The following RANBP2 variants were observed in gnomAD, a reference collection of about 807,000 sequenced individuals.
RANBP2 encodes E3 SUMO-protein ligase RanBP2.
In RANBP2, 57 loss-of-function variants were observed where a neutral mutation model predicts 303.6. The ratio of observed to expected loss-of-function variants is 0.19; its 90% CI spans 0.15 to 0.23. The LOEUF (loss-of-function observed/expected upper bound fraction) is 0.23, where lower values mean the gene tolerates loss of function less well. Among genes scored for constraint, RANBP2 ranks in the 10% least tolerant of loss-of-function variants. The probability of loss-of-function intolerance (pLI) is 1.00; values close to 1 mark genes in which losing one functional copy is unlikely to be tolerated. For missense variants in RANBP2, 3,138 were observed against 3,780.8 expected (o/e 0.83, Z 4.46); for synonymous variants, 1,167 against 1,301.5 (o/e 0.90, Z 2.23).
the RANBP2 span, chr2:109,585,351 T>A: frequency 6.6e-7 from 1 of 1,521,660 alleles, no homozygotes; most frequent in Non-Finnish European, 8.9e-7. Context: ...ATCTTTATGG[T>A]TGCATGAATG....
the RANBP2 span, among the ~76,000 whole-genome samples, chr2:109,266,398 G>A: frequency 6.6e-6 from 1 of 151,946 alleles, no homozygotes; most frequent in Non-Finnish European, 1.5e-5. Flanking sequence ...AAGCAGGAGT[G>A]TCCTCCGATA....
chr2:109,505,073 C>T, the RANBP2 span, among the ~76,000 whole-genome samples: 1 of 152,230 alleles, frequency 6.6e-6, no homozygotes, highest in African/African-American at 2.4e-5. Flanking sequence ...CTCTCCTGGT[C>T]TTACCCTTGT....
chr2:108,728,635 ATG>A, intron 1 of RANBP2, among the ~76,000 whole-genome samples: 1 of 147,116 alleles, frequency 6.8e-6, no homozygotes, highest in East Asian at 2.0e-4. Context: ...GATGATGATG[ATG>A]ATGTTTGGGA....
At chr2:109,388,675 G>A in the RANBP2 span, among the ~76,000 whole-genome samples, 1 of 152,204 alleles carries the variant, frequency 6.6e-6, no homozygotes, top group Admixed American at 6.5e-5. Flanking sequence ...CATGTACTTT[G>A]CCCCCAGCAC....
the RANBP2 span, among the ~76,000 whole-genome samples, chr2:109,372,791 C>G: frequency 6.6e-6 from 1 of 152,206 alleles, no homozygotes; most frequent in Non-Finnish European, 1.5e-5. Context: ...CATGTGTCCC[C>G]CCTGCCTGAC....
the RANBP2 span, among the ~76,000 whole-genome samples, chr2:109,513,232 C>T: frequency 1.3e-5 from 2 of 152,166 alleles, no homozygotes; most frequent in African/African-American, 4.8e-5. Flanking sequence ...CATGGATTCA[C>T]ACCTGACACA....
the RANBP2 span, among the ~76,000 whole-genome samples, chr2:109,207,636 T>C: frequency 6.6e-6 from 1 of 152,144 alleles, no homozygotes; most frequent in Admixed American, 6.5e-5. Flanking sequence ...TTTCCAGGGG[T>C]GCAGTTGCTG....
At chr2:109,733,289 A>G in the RANBP2 span, among the ~76,000 whole-genome samples, 1 of 152,216 alleles carries the variant, frequency 6.6e-6, no homozygotes, top group Non-Finnish European at 1.5e-5. Flanking sequence ...AAATCAATCA[A>G]TGTAGTACAT....
At chr2:109,176,558 C>T in the RANBP2 span, among the ~76,000 whole-genome samples, 9 of 152,062 alleles carry the variant, frequency 5.9e-5, 1 homozygote, top group South Asian at 1.9e-3. Flanking sequence ...ATAATGAGAC[C>T]CTATCCCTAC....
the RANBP2 span, among the ~76,000 whole-genome samples, chr2:109,088,874 G>C: frequency 2.6e-5 from 4 of 152,168 alleles, no homozygotes; most frequent in African/African-American, 7.2e-5. Context: ...GTAGAAAATG[G>C]TATATCTATG....
At chr2:109,501,793 G>T in the RANBP2 span, 2 of 620,402 alleles carry the variant, frequency 3.2e-6, no homozygotes, top group Admixed American at 2.6e-5. Context: ...ACCTGGCGGG[G>T]GATACCCTGG....
chr2:109,485,319 GTTTAC>G, the RANBP2 span, among the ~76,000 whole-genome samples: 4 of 152,208 alleles, frequency 2.6e-5, no homozygotes, highest in African/African-American at 9.7e-5. Context: ...ACATGTACAG[GTTTAC>G]TTCATTTTCA....
chr2:108,719,730 TCG>T (rs1192216247), intron 1 of RANBP2, 52 bp downstream of exon 1: 3 of 1,552,420 alleles, frequency 1.9e-6, no homozygotes, highest in Non-Finnish European at 2.6e-6. Flanking sequence ...GGCGGCGGCC[TCG>T]CGCTGCTCAG....
At chr2:109,625,087 C>CAAAAAAAAAAAAAAAAAAAAAAAAAA in the RANBP2 span, among the ~76,000 whole-genome samples, 3 of 60,116 alleles carry the variant, frequency 5.0e-5, no homozygotes, top group African/African-American at 1.5e-4. Flanking sequence ...ACAACAACAA[C>CAAAAAAAAAAAAAAAAAAAAAAAAAA]AAAAAAAAAA....
the RANBP2 span, among the ~76,000 whole-genome samples, chr2:109,012,348 C>T: frequency 1.3e-5 from 2 of 152,202 alleles, no homozygotes; most frequent in East Asian, 1.9e-4. Context: ...ATTCCTACCG[C>T]CCCTGATTCC....
the RANBP2 span, among the ~76,000 whole-genome samples, chr2:109,746,619 A>AT: frequency 4.7e-4 from 9 of 19,132 alleles, no homozygotes; most frequent in Non-Finnish European, 6.2e-4. Context: ...AATATTCTTC[A>AT]TTTTTTTTTT....
At chr2:109,126,390 G>A in the RANBP2 span, among the ~76,000 whole-genome samples, 1 of 152,334 alleles carries the variant, frequency 6.6e-6, no homozygotes, top group Admixed American at 6.5e-5. Flanking sequence ...TCTGGCACGG[G>A]CATCTGTGGT....
At chr2:109,013,692 G>T in the RANBP2 span, among the ~76,000 whole-genome samples, 1 of 151,072 alleles carries the variant, frequency 6.6e-6, no homozygotes, top group African/African-American at 2.4e-5. Context: ...CAATTCTCCT[G>T]CCTCAACCTC....
the RANBP2 span, among the ~76,000 whole-genome samples, chr2:109,118,688 G>A: frequency 4.6e-5 from 7 of 152,190 alleles, no homozygotes; most frequent in South Asian, 1.2e-3. Flanking sequence ...CCTCTCTGAG[G>A]CTCACAATAC....
Sources: allele counts gnomAD v4.1 joint callset (sites outside exome capture counted in the v4.1 genomes callset), GRCh38; gene constraint gnomAD v4.1.1; transcripts MANE v1.5; gene names NCBI Gene and HGNC (gene_info 2026-07-23, HGNC 2026-07-21).